Variants in NME7 observed in about 807,000 individuals in gnomAD.
NME7 encodes NME/NM23 family member 7, also known as nucleoside diphosphate kinase 7.
NME7 carries 41 observed loss-of-function variants against 49.1 expected under a neutral mutation model. That is an observed-to-expected ratio of 0.83 (90% CI 0.65 to 1.08). NME7 has a LOEUF of 1.08. Ranked by LOEUF, NME7 falls within the 50% of genes least tolerant of loss-of-function variation. NME7 has a pLI of 0.00. For missense variants in NME7, 423 were observed against 463.4 expected (o/e 0.91, Z 0.80); for synonymous variants, 139 against 150.6 (o/e 0.92, Z 0.56).
intron 7 of NME7, among the ~76,000 whole-genome samples, chr1:169,238,477 G>GCACACGCACGCA (rs377689410): frequency 8.1e-6 from 1 of 124,066 alleles, no homozygotes; most frequent in African/African-American, 2.9e-5. Flanking sequence ...ATGCACAAAG[G>GCACACGCACGCA]CACACACACA....
At position 169,340,140 on chromosome 1, in the gene NME7, C is replaced by T. The variant is rs569079652; in HGVS notation, c.4-15640G>A. 5.8e-4 allele frequency among the ~76,000 whole-genome samples: 89 copies of T among 152,308 alleles called. 1 individual carries two copies. Among genetic ancestry groups the T allele is most frequent in the African/African-American group, 2.1e-3 (86 of 41,552 alleles). ...TTGACATGGTTTGGCTCTGGGTCCCCAGCCAAATCTCCTCTTGAATTATAA... is the reference window on the plus strand; with the variant it reads ...TTGACATGGTTTGGCTCTGGGTCCCTAGCCAAATCTCCTCTTGAATTATAA... On this transcript the variant is annotated intron_variant, in intron 1 of 11. Transcript: ENST00000367811.
At chr1:169,347,637 A>G (rs1425328680) in intron 1 of NME7, among the ~76,000 whole-genome samples, 1 of 152,114 alleles carries the variant, frequency 6.6e-6, no homozygotes, top group Non-Finnish European at 1.5e-5. Context: ...TTTTTCTTTC[A>G]AGAATAAGAG....
At chr1:169,253,727 A>G (rs939811727) in intron 7 of NME7, among the ~76,000 whole-genome samples, 14 of 152,004 alleles carry the variant, frequency 9.2e-5, no homozygotes, top group Non-Finnish European at 1.3e-4. Context: ...ATTATTTTGA[A>G]ATACGTCCCA....
chr1:169,310,159 C>T, intron 3 of NME7, 79 bp from the exon 4 acceptor site: 1 of 850,496 alleles, frequency 1.2e-6, no homozygotes, highest in South Asian at 1.5e-5. Context: ...CAGCAGTATT[C>T]TCAACAATCA....
At chr1:169,246,995 G>A (rs1648347403) in intron 7 of NME7, 1 of 454,986 alleles carries the variant, frequency 2.2e-6, no homozygotes, top group African/African-American at 2.0e-5. Flanking sequence ...TACCATCATA[G>A]GGACAGCAGA....
At chr1:169,198,425 C>T (rs1487996177) in intron 10 of NME7, among the ~76,000 whole-genome samples, 1 of 151,826 alleles carries the variant, frequency 6.6e-6, no homozygotes, top group Non-Finnish European at 1.5e-5. Context: ...ACAGCAGCAT[C>T]AGTCATAATA....
intron 6 of NME7, among the ~76,000 whole-genome samples, chr1:169,289,420 A>G (rs1337255384): frequency 6.6e-6 from 1 of 152,186 alleles, no homozygotes; most frequent in Non-Finnish European, 1.5e-5. Context: ...CATGTGCTAA[A>G]CAAAATAAAT....
chr1:169,168,036 G>A (rs981447554), intron 11 of NME7, among the ~76,000 whole-genome samples: 1 of 152,108 alleles, frequency 6.6e-6, no homozygotes, highest in South Asian at 2.1e-4. Context: ...GCCAGGGAAC[G>A]GCGGTCTCCT....
intron 7 of NME7, among the ~76,000 whole-genome samples, chr1:169,247,642 C>T (rs1475800371): frequency 6.6e-6 from 1 of 152,072 alleles, no homozygotes; most frequent in Non-Finnish European, 1.5e-5. Context: ...CCCCTCAACC[C>T]TCCCTCTTCT....
At chr1:169,356,227 A>G (rs572556414) in intron 1 of NME7, among the ~76,000 whole-genome samples, 1 of 152,310 alleles carries the variant, frequency 6.6e-6, no homozygotes, top group East Asian at 1.9e-4. Flanking sequence ...TTAGTTAAGA[A>G]TCTTAAATGC....
At chr1:169,253,740 A>G (rs1276156426) in intron 7 of NME7, among the ~76,000 whole-genome samples, 2 of 152,080 alleles carry the variant, frequency 1.3e-5, no homozygotes, top group East Asian at 3.9e-4. Flanking sequence ...ACGTCCCATC[A>G]ATACCTAATT....
intron 7 of NME7, among the ~76,000 whole-genome samples, chr1:169,257,694 C>G (rs781062794): frequency 7.5e-6 from 1 of 133,992 alleles, no homozygotes; most frequent in Non-Finnish European, 1.8e-5. Context: ...AAGTTTAAAA[C>G]TCCTTTTAGC....
At chr1:169,159,820 CT>C (rs1157865596) in intron 11 of NME7, among the ~76,000 whole-genome samples, 3 of 152,308 alleles carry the variant, frequency 2.0e-5, no homozygotes, top group East Asian at 3.9e-4. Flanking sequence ...CTTATGCCAT[CT>C]GGCTAGATCT....
chr1:169,163,140 G>A (rs1396811551), intron 11 of NME7, among the ~76,000 whole-genome samples: 1 of 152,146 alleles, frequency 6.6e-6, no homozygotes, highest in East Asian at 1.9e-4. Context: ...AAAGATGAAG[G>A]AAGCAAGGAG....
chr1:169,251,492 G>A lies in NME7; in HGVS notation c.755-13805C>T, dbSNP rs190705409. ...AATTTATATCCAATGTTAATATTGAGATGTGAGGTACTGTTCCAGTTATCC... is the reference window on the plus strand; with the variant it reads ...AATTTATATCCAATGTTAATATTGAAATGTGAGGTACTGTTCCAGTTATCC... On this transcript the variant is annotated intron_variant, in intron 7 of 11. Transcript: ENST00000367811. 3.0e-3 allele frequency among the ~76,000 whole-genome samples: 451 copies of A among 150,294 alleles called. 3 individuals carry two copies. Among genetic ancestry groups the A allele is most frequent in the African/African-American group, 0.01 (418 of 41,052 alleles).
intron 3 of NME7, among the ~76,000 whole-genome samples, chr1:169,314,858 AG>A (rs960568978): frequency 6.6e-6 from 1 of 152,176 alleles, no homozygotes; most frequent in African/African-American, 2.4e-5. Context: ...AGAATGGAAA[AG>A]GTATACCATG....
At chr1:169,195,297 A>C (rs1433661012) in intron 10 of NME7, among the ~76,000 whole-genome samples, 2 of 152,136 alleles carry the variant, frequency 1.3e-5, no homozygotes, top group African/African-American at 2.4e-5. Context: ...CTGCAGCCTC[A>C]AACTCCTGAG....
chr1:169,358,893 G>C (rs536576459), intron 1 of NME7, among the ~76,000 whole-genome samples: 1 of 151,996 alleles, frequency 6.6e-6, no homozygotes, highest in South Asian at 2.1e-4. Context: ...ATGACCTCTC[G>C]CACCTAGTTA....
intron 11 of NME7, among the ~76,000 whole-genome samples, chr1:169,139,241 TA>T (rs759476904): frequency 5.4e-4 from 82 of 152,346 alleles, no homozygotes; most frequent in Non-Finnish European, 1.1e-3. Context: ...ATTTTACTCT[TA>T]AAAAATGAAG....
Sources: gnomAD v4.1 joint callset for allele counts (sites outside exome capture counted in the v4.1 genomes callset) on GRCh38, gnomAD v4.1.1 for gene constraint, MANE v1.5 for transcripts, NCBI Gene and HGNC (gene_info 2026-07-23, HGNC 2026-07-21) for gene names.